PHACTR4: variants seen among roughly 807,000 people sequenced by gnomAD.
PHACTR4 encodes protein phosphatase 1, regulatory subunit 124.
Under a neutral mutation model 72.7 loss-of-function variants are expected in PHACTR4, and 51 were observed. That is an observed-to-expected ratio of 0.70 (90% CI 0.56 to 0.89). PHACTR4 has a LOEUF of 0.89. PHACTR4 is among the 40% of genes least tolerant of loss of function. PHACTR4 has a pLI of 0.00. For missense variants in PHACTR4, 731 were observed against 861.8 expected (o/e 0.85, Z 1.90); for synonymous variants, 255 against 302.5 (o/e 0.84, Z 1.63).
chr1:28,400,682 C>T (rs899874610), intron 1 of PHACTR4, among the ~76,000 whole-genome samples: 1 of 151,962 alleles, frequency 6.6e-6, no homozygotes, highest in African/African-American at 2.4e-5. Context: ...CAGATTGAAG[C>T]GATTCTCCTG....
At chr1:28,370,611 C>CAAAAAAAAAAAA (rs112345135) in intron 1 of PHACTR4, among the ~76,000 whole-genome samples, 1 of 130,212 alleles carries the variant, frequency 7.7e-6, no homozygotes, top group African/African-American at 3.0e-5. Context: ...TGATTGCTTG[C>CAAAAAAAAAAAA]AAAAAAAAAA....
At chr1:28,397,300 A>T (rs1653585684) in intron 1 of PHACTR4, among the ~76,000 whole-genome samples, 1 of 152,200 alleles carries the variant, frequency 6.6e-6, no homozygotes, top group South Asian at 2.1e-4. Context: ...TCCCACTTGA[A>T]TCCCCAAAGA....
At chr1:28,405,790 C>T (rs1654281951) in intron 1 of PHACTR4, among the ~76,000 whole-genome samples, 1 of 151,756 alleles carries the variant, frequency 6.6e-6, no homozygotes, top group Non-Finnish European at 1.5e-5. Flanking sequence ...ACTCAGGAGG[C>T]TGAGGCAGGA....
chr1:28,421,229 A>G (rs1329616230), intron 2 of PHACTR4, among the ~76,000 whole-genome samples: 8 of 152,320 alleles, frequency 5.3e-5, no homozygotes, highest in Non-Finnish European at 7.3e-5. Flanking sequence ...TGAAACGTCA[A>G]TGAAACCAGA....
intron 2 of PHACTR4, among the ~76,000 whole-genome samples, chr1:28,447,129 G>A (rs1410495944): frequency 4.6e-5 from 7 of 151,130 alleles, no homozygotes; most frequent in South Asian, 4.2e-4. Flanking sequence ...CTCCTGCCTT[G>A]GCCTCCTGAG....
intron 2 of PHACTR4, among the ~76,000 whole-genome samples, chr1:28,426,738 A>G (rs1288809343): frequency 3.4e-5 from 5 of 147,776 alleles, no homozygotes; most frequent in Admixed American, 3.3e-4. Flanking sequence ...TTTTTTTTTA[A>G]TAGAGACAAG....
chr1:28,429,529 T>C (rs1054710994), intron 2 of PHACTR4, among the ~76,000 whole-genome samples: 6 of 152,154 alleles, frequency 3.9e-5, no homozygotes, highest in Non-Finnish European at 8.8e-5. Context: ...CATGGTAGAA[T>C]AGTGGATGAA....
intron 1 of PHACTR4, among the ~76,000 whole-genome samples, chr1:28,373,356 T>C (rs1242667440): frequency 2.0e-5 from 3 of 152,138 alleles, no homozygotes; most frequent in African/African-American, 7.2e-5. Context: ...AATGGCACGA[T>C]CTTGGCTCAC....
chr1:28,403,895 C>T (rs950639482), intron 1 of PHACTR4, among the ~76,000 whole-genome samples: 3 of 152,220 alleles, frequency 2.0e-5, no homozygotes, highest in Non-Finnish European at 2.9e-5. Context: ...CATGTTACAA[C>T]ACGTATCAAT....
intron 1 of PHACTR4, among the ~76,000 whole-genome samples, chr1:28,377,854 A>C (rs2124119983): frequency 6.6e-6 from 1 of 151,548 alleles, no homozygotes; most frequent in Non-Finnish European, 1.5e-5. Context: ...AAAATTGCTT[A>C]CTATCTTGAT....
chr1:28,423,408 C>CAAATAAATAAATAAATAAATAAATAAAT (rs148724281), intron 2 of PHACTR4, among the ~76,000 whole-genome samples: 1 of 147,586 alleles, frequency 6.8e-6, no homozygotes, highest in African/African-American at 2.5e-5. Context: ...GATCCTGCCT[C>CAAATAAATAAATAAATAAATAAATAAAT]AAATAAATAA....
chr1:28,462,847 A>G (rs1658911823), intron 4 of PHACTR4, among the ~76,000 whole-genome samples: 1 of 152,126 alleles, frequency 6.6e-6, no homozygotes, highest in Admixed American at 6.6e-5. Context: ...TGGCTTATAG[A>G]TCTGCATTTT....
chr1:28,407,551 T>A, intron 2 of PHACTR4, 88 bp downstream of exon 2: 1 of 1,221,834 alleles, frequency 8.2e-7, no homozygotes, highest in Non-Finnish European at 1.2e-6. Context: ...TTGGTTTTTT[T>A]TCATATTCAG....
chr1:28,423,666 A>G (rs1655653575), intron 2 of PHACTR4, among the ~76,000 whole-genome samples: 1 of 152,168 alleles, frequency 6.6e-6, no homozygotes, highest in East Asian at 1.9e-4. Context: ...TGTGAATCCT[A>G]ACTTTGCCAG....
chr1:28,491,972 G>A (rs887226554), intron 12 of PHACTR4, among the ~76,000 whole-genome samples, 185 bp downstream of exon 12: 2 of 152,168 alleles, frequency 1.3e-5, no homozygotes, highest in Non-Finnish European at 2.9e-5. Context: ...AACTCAGTAT[G>A]TTTTGGTAAC....
chr1:28,477,173 C>T (rs1006898536), intron 8 of PHACTR4, among the ~76,000 whole-genome samples: 1 of 151,308 alleles, frequency 6.6e-6, no homozygotes, highest in Non-Finnish European at 1.5e-5. Context: ...GCAACCTCCA[C>T]CTCCCGGGTT....
intron 2 of PHACTR4, among the ~76,000 whole-genome samples, chr1:28,445,763 G>A (rs1039780507): frequency 1.3e-5 from 2 of 152,068 alleles, no homozygotes; most frequent in African/African-American, 2.4e-5. Flanking sequence ...GTGTGGTGGT[G>A]CACACCTGCA....
At chr1:28,375,002 A>AT (rs1423694846) in intron 1 of PHACTR4, among the ~76,000 whole-genome samples, 26 of 152,186 alleles carry the variant, frequency 1.7e-4, no homozygotes, top group Non-Finnish European at 3.7e-4. Context: ...TATTTTTACT[A>AT]CTATTAGAAG....
At chr1:28,490,824 C>T (rs1275192357) in intron 10 of PHACTR4, 127 bp from the exon 11 acceptor site, 2 of 956,264 alleles carry the variant, frequency 2.1e-6, no homozygotes, top group East Asian at 5.3e-5. Context: ...GCCTGGGCAA[C>T]AAGAGCAAAA....
Sources: gnomAD v4.1 joint callset for allele counts (sites outside exome capture counted in the v4.1 genomes callset) on GRCh38, gnomAD v4.1.1 for gene constraint, MANE v1.5 for transcripts, NCBI Gene and HGNC (gene_info 2026-07-23, HGNC 2026-07-21) for gene names.